The following DAW1 variants were observed in gnomAD, a reference collection of about 807,000 sequenced individuals.
DAW1 encodes the protein dynein assembly factor with WD repeats 1.
A neutral mutation model predicts 56.5 loss-of-function variants in DAW1; 47 were observed. That is an observed-to-expected ratio of 0.83 (90% confidence interval 0.66 to 1.06). DAW1 has a LOEUF of 1.06. DAW1 is among the 50% of genes least tolerant of loss of function. The pLI, the probability that DAW1 is intolerant of heterozygous loss-of-function variation, is 0.00. For missense variants in DAW1, 505 were observed against 499.3 expected (o/e 1.01, Z -0.11); for synonymous variants, 190 against 179.0 (o/e 1.06, Z -0.49).
Position 227,891,296 on chromosome 2 carries a change from TAAC to T in DAW1, c.303_305del (p.Asn101del). ...TATTGCCACTGACTAATGTTGCACT[TAAC>T]AAATCGGGCTCATGGTAAGATTCTC... On this transcript the variant is annotated inframe_deletion, in exon 4 of 13. Transcript: ENST00000309931. The T allele has an allele frequency of 6.2e-7, 1 of 1,613,570 alleles. No homozygotes were observed.
chr2:227,877,110 T>C (rs1195885796), intron 1 of DAW1, among the ~76,000 whole-genome samples: 2 of 152,154 alleles, frequency 1.3e-5, no homozygotes, highest in Non-Finnish European at 2.9e-5. Flanking sequence ...CAAGGGAAAA[T>C]CAAGATTATT....
chr2:227,881,639 A>G (rs1022450491), intron 1 of DAW1, among the ~76,000 whole-genome samples: 5 of 151,706 alleles, frequency 3.3e-5, no homozygotes, highest in African/African-American at 7.3e-5. Context: ...CAGCAAACTT[A>G]TAGGTTCATA....
At chr2:227,888,717 C>G (rs376030826) in intron 2 of DAW1, among the ~76,000 whole-genome samples, 1 of 152,192 alleles carries the variant, frequency 6.6e-6, no homozygotes, top group South Asian at 2.1e-4. Context: ...CTTCTGGACA[C>G]GTGTGTGACA....
Position 227,871,675 on chromosome 2 carries a change from T to A in DAW1, c.-15T>A, listed in dbSNP as rs200142446. On this transcript the variant is annotated 5_prime_UTR_variant, in exon 1 of 13. Coordinates refer to ENST00000309931, the MANE Select transcript of DAW1 (RefSeq NM_178821.3). ...GGCTACGAAGCCCATCGGCCGGGGA[T>A]AAGAGAGCAAGAAAATGAAGCTCAA... is the stretch of plus-strand genomic sequence containing the variant. The A allele has an allele frequency of 5.1e-5, 83 of 1,613,210 alleles. 1 individual carries two copies. The highest frequency in any genetic ancestry group is 5.1e-4 in the East Asian group (23 of 44,850).
chr2:227,911,314 A>G (rs1359834472), intron 10 of DAW1, among the ~76,000 whole-genome samples: 3 of 93,462 alleles, frequency 3.2e-5, no homozygotes, highest in Non-Finnish European at 4.8e-5. Flanking sequence ...ATGTATAAGC[A>G]TATATACATA....
intron 1 of DAW1, among the ~76,000 whole-genome samples, chr2:227,881,092 A>G (rs1690999295): frequency 6.6e-6 from 1 of 152,222 alleles, no homozygotes. Flanking sequence ...AAAAAGCCCA[A>G]AGAGGGTATA....
intron 10 of DAW1, among the ~76,000 whole-genome samples, chr2:227,908,383 G>A (rs1016740965): frequency 6.6e-6 from 1 of 152,070 alleles, no homozygotes; most frequent in Non-Finnish European, 1.5e-5. Context: ...ACGTCATCTC[G>A]TTGAAGCCAC....
chr2:227,918,699 A>G, intron 10 of DAW1, 81 bp from the exon 11 acceptor site: 1 of 1,461,404 alleles, frequency 6.8e-7, no homozygotes, highest in Non-Finnish European at 9.5e-7. Flanking sequence ...AGGGGGATAT[A>G]TATTTATACA....
At chr2:227,888,018 T>C (rs1691171995) in intron 2 of DAW1, among the ~76,000 whole-genome samples, 1 of 152,218 alleles carries the variant, frequency 6.6e-6, no homozygotes, top group South Asian at 2.1e-4. Flanking sequence ...CCCTTTTAAT[T>C]GTTATGAAAT....
At chr2:227,901,187 G>A (rs1691535797) in intron 6 of DAW1, among the ~76,000 whole-genome samples, 1 of 152,162 alleles carries the variant, frequency 6.6e-6, no homozygotes, top group Non-Finnish European at 1.5e-5. Context: ...GAGAATGTGA[G>A]TAGAACTTGG....
chr2:227,874,596 C>T (rs1248560048), intron 1 of DAW1, among the ~76,000 whole-genome samples: 1 of 152,164 alleles, frequency 6.6e-6, no homozygotes, highest in Non-Finnish European at 1.5e-5. Flanking sequence ...GTCACTTCTT[C>T]TGTGTCTATC....
rs144876495 is a variant in DAW1 at position 227,902,992 on chromosome 2, TG to T, written c.541-9del. The stretch of plus-strand genomic sequence containing the variant: ...TCTTCCTAAAATTTCTCCCATTTTA[TG>T]TAATTTAGGTGTGTTTATCATTTAA... On this transcript the variant is annotated splice_polypyrimidine_tract_variant and intron_variant, in intron 6 of 12. Transcript: ENST00000309931. 1.6e-3 allele frequency: 2,626 copies of T among 1,612,610 alleles called. 33 individuals are homozygous for T. In the African/African-American group the frequency reaches 0.03, roughly 19 times the overall value.
intron 2 of DAW1, among the ~76,000 whole-genome samples, chr2:227,886,943 G>A (rs944775318): frequency 2.6e-5 from 4 of 152,228 alleles, no homozygotes; most frequent in Non-Finnish European, 4.4e-5. Flanking sequence ...TAGGTTTGTG[G>A]CCTGAGACCG....
intron 12 of DAW1, among the ~76,000 whole-genome samples, chr2:227,923,446 T>C (rs1559317179): frequency 6.6e-6 from 1 of 152,240 alleles, no homozygotes; most frequent in Non-Finnish European, 1.5e-5. Flanking sequence ...ATTGATGTTA[T>C]GTGCCTGGTC....
At chr2:227,895,185 A>G (rs1480506811) in intron 5 of DAW1, among the ~76,000 whole-genome samples, 9 of 152,212 alleles carry the variant, frequency 5.9e-5, no homozygotes, top group African/African-American at 2.2e-4. Context: ...AGAAAACTAG[A>G]TATTGTAGAG....
intron 8 of DAW1, 135 bp from the exon 9 acceptor site, chr2:227,906,101 A>G: frequency 1.7e-6 from 1 of 579,292 alleles, no homozygotes; most frequent in Non-Finnish European, 2.9e-6. Context: ...GTAGAGCCAT[A>G]TTTGTCATCA....
intron 4 of DAW1, among the ~76,000 whole-genome samples, chr2:227,893,527 C>T (rs1341698693): frequency 6.6e-6 from 1 of 151,412 alleles, no homozygotes; most frequent in Non-Finnish European, 1.5e-5. Context: ...AAAAATATAG[C>T]CAGGCGTGGT....
intron 10 of DAW1, among the ~76,000 whole-genome samples, chr2:227,911,267 C>CACGTGTATATAT (rs1691814427): frequency 7.5e-6 from 1 of 132,802 alleles, no homozygotes; most frequent in Non-Finnish European, 1.7e-5. Flanking sequence ...CGTGTATATA[C>CACGTGTATATAT]ACATATACAC....
chr2:227,913,157 G>A (rs745693772), intron 10 of DAW1, among the ~76,000 whole-genome samples: 3 of 152,092 alleles, frequency 2.0e-5, no homozygotes, highest in Admixed American at 2.0e-4. Context: ...TCAGAACCTC[G>A]CATGAGAAGA....
Sources: allele counts gnomAD v4.1 joint callset (sites outside exome capture counted in the v4.1 genomes callset), GRCh38; gene constraint gnomAD v4.1.1; transcripts MANE v1.5; gene names NCBI Gene and HGNC (gene_info 2026-07-23, HGNC 2026-07-21).